Variants in MAD1L1 observed in about 807,000 individuals in gnomAD.
MAD1L1 encodes the protein mitotic spindle assembly checkpoint protein MAD1.
Under a neutral mutation model 96.9 loss-of-function variants are expected in MAD1L1, and 95 were observed. The ratio of observed to expected loss-of-function variants is 0.98; its 90% CI spans 0.83 to 1.16. MAD1L1 has a LOEUF of 1.16. Among genes scored for constraint, MAD1L1 ranks in the 50% most tolerant of loss-of-function variants. The pLI, the probability that MAD1L1 is intolerant of heterozygous loss-of-function variation, is 0.00. For synonymous variants in MAD1L1, 473 were observed against 396.6 expected (o/e 1.19, Z -2.29); for missense variants, 1,007 against 954.4 (o/e 1.06, Z -0.73).
chr7:2,140,103 C>G (rs1262916929), intron 11 of MAD1L1, among the ~76,000 whole-genome samples: 1 of 151,968 alleles, frequency 6.6e-6, no homozygotes, highest in Non-Finnish European at 1.5e-5. Context: ...CCTTCTGTGA[C>G]CTGTGCTTGG....
chr7:2,165,643 C>T (rs942029079), intron 10 of MAD1L1, among the ~76,000 whole-genome samples: 1 of 152,168 alleles, frequency 6.6e-6, no homozygotes, highest in South Asian at 2.1e-4. Flanking sequence ...GTGGTGTCCA[C>T]GGCACGAAAC....
chr7:1,831,705 C>A (rs1165555433), intron 18 of MAD1L1, among the ~76,000 whole-genome samples: 2 of 152,170 alleles, frequency 1.3e-5, no homozygotes, highest in Non-Finnish European at 2.9e-5. Context: ...AGGCTTACTG[C>A]TAATATGGAG....
At chr7:1,946,916 G>A (rs1469800298) in intron 16 of MAD1L1, among the ~76,000 whole-genome samples, 1 of 152,254 alleles carries the variant, frequency 6.6e-6, no homozygotes. Context: ...TTCTCTCTGT[G>A]TTCAGGGGAC....
chr7:1,996,787 C>T (rs537496886), intron 14 of MAD1L1, among the ~76,000 whole-genome samples: 104 of 152,072 alleles, frequency 6.8e-4, no homozygotes, highest in Non-Finnish European at 1.3e-3. Flanking sequence ...GAGCTGAGAG[C>T]GGCGTAATTC....
At chr7:1,818,537 C>G (rs949959714) in intron 18 of MAD1L1, among the ~76,000 whole-genome samples, 2 of 152,036 alleles carry the variant, frequency 1.3e-5, no homozygotes, top group African/African-American at 4.8e-5. Context: ...TGCCAGCACA[C>G]CTGGCTAATT....
intron 14 of MAD1L1, among the ~76,000 whole-genome samples, chr7:1,990,088 G>A (rs919321396): frequency 1.3e-5 from 2 of 152,264 alleles, no homozygotes; most frequent in Non-Finnish European, 2.9e-5. Context: ...CTGAGTGCCA[G>A]AGTGAGGGCG....
intron 10 of MAD1L1, among the ~76,000 whole-genome samples, chr7:2,211,256 G>C (rs1230494094): frequency 6.6e-6 from 1 of 152,102 alleles, no homozygotes; most frequent in Non-Finnish European, 1.5e-5. Context: ...ACACAGGCAG[G>C]CAGAACCCCT....
Position 1,968,939 on chromosome 7 carries a change from C to T in MAD1L1, c.1506-11220G>A, listed in dbSNP as rs1583948172. Among the ~76,000 whole-genome samples the T allele has an allele frequency of 6.6e-6, 1 of 152,122 alleles. No individual in the cohort carries two copies. The highest frequency in any genetic ancestry group is 1.5e-5 in the Non-Finnish European group (1 of 68,022). On this transcript the variant is annotated intron_variant, in intron 15 of 18. Coordinates refer to ENST00000265854, the MANE Select transcript of MAD1L1 (RefSeq NM_001013836.2). The surrounding 1 kb of genome is among the most constrained non-coding windows in gnomAD (Gnocchi z 5.6). ...ATCCAAACAAGGGCTGGAGACAGGC[C>T]CAGAGTCACACGCCGGTGACGAGCA...
At chr7:1,993,785 T>C (rs1389871497) in intron 14 of MAD1L1, among the ~76,000 whole-genome samples, 1 of 152,230 alleles carries the variant, frequency 6.6e-6, no homozygotes, top group Non-Finnish European at 1.5e-5. Flanking sequence ...GGCTGGGTCC[T>C]CACACTGGGA....
intron 12 of MAD1L1, among the ~76,000 whole-genome samples, chr7:2,057,478 C>T (rs1477862356): frequency 7.2e-5 from 11 of 152,190 alleles, no homozygotes. Flanking sequence ...TGCACCACTG[C>T]ACTCCAGCCT....
intron 11 of MAD1L1, among the ~76,000 whole-genome samples, chr7:2,091,322 G>C (rs536735714): frequency 3.0e-4 from 46 of 152,234 alleles, no homozygotes; most frequent in African/African-American, 1.1e-3. Context: ...GGGTGTGCCT[G>C]CCTCCGGGCC....
intron 16 of MAD1L1, among the ~76,000 whole-genome samples, chr7:1,947,702 T>G (rs1779293327): frequency 6.7e-6 from 1 of 150,142 alleles, no homozygotes; most frequent in South Asian, 2.1e-4. Context: ...TGGCCTTGCC[T>G]GCCGCACACG....
chr7:1,975,818 G>A (rs750694580), intron 15 of MAD1L1, among the ~76,000 whole-genome samples: 2 of 152,222 alleles, frequency 1.3e-5, no homozygotes, highest in African/African-American at 4.8e-5. Flanking sequence ...AGCACCTCCC[G>A]GGACCCAGAA....
At chr7:2,175,841 C>T (rs999174813) in intron 10 of MAD1L1, among the ~76,000 whole-genome samples, 1 of 152,042 alleles carries the variant, frequency 6.6e-6, no homozygotes, top group Non-Finnish European at 1.5e-5. Flanking sequence ...AACCCAAAGA[C>T]AGGAAATAAA....
chr7:2,040,686 T>C (rs970615214), intron 12 of MAD1L1, among the ~76,000 whole-genome samples: 1 of 152,158 alleles, frequency 6.6e-6, no homozygotes, highest in Non-Finnish European at 1.5e-5. Flanking sequence ...AAGTCTGGGA[T>C]GAAAGAGGCA....
intron 17 of MAD1L1, among the ~76,000 whole-genome samples, chr7:1,924,297 C>T (rs1459913053): frequency 1.3e-5 from 2 of 152,224 alleles, no homozygotes; most frequent in African/African-American, 2.4e-5. Context: ...CACCCACACA[C>T]GCTGGAACCC....
At chr7:2,123,490 C>T (rs1327321182) in intron 11 of MAD1L1, among the ~76,000 whole-genome samples, 1 of 151,990 alleles carries the variant, frequency 6.6e-6, no homozygotes, top group African/African-American at 2.4e-5. Flanking sequence ...ACCCGGTGGG[C>T]TCTGTTTGCG....
intron 18 of MAD1L1, among the ~76,000 whole-genome samples, chr7:1,887,961 GGCT>G (rs1236421656): frequency 6.6e-6 from 1 of 151,964 alleles, no homozygotes; most frequent in African/African-American, 2.4e-5. Flanking sequence ...ATGTGTATGT[GGCT>G]GCCTATGCAT....
At chr7:2,013,523 G>A (rs1266659427) in intron 13 of MAD1L1, among the ~76,000 whole-genome samples, 3 of 152,238 alleles carry the variant, frequency 2.0e-5, no homozygotes, top group Non-Finnish European at 4.4e-5. Flanking sequence ...CCTCGTGAGC[G>A]AAATTCGGAT....
Sources: gnomAD v4.1 joint callset for allele counts (sites outside exome capture counted in the v4.1 genomes callset) on GRCh38, gnomAD v4.1.1 for gene constraint, Gnocchi (gnomAD v3.1) non-coding constraint, MANE v1.5 for transcripts, NCBI Gene and HGNC (gene_info 2026-07-23, HGNC 2026-07-21) for gene names.